BRINP3: variants seen among roughly 807,000 people sequenced by gnomAD.
BRINP3 encodes BMP/retinoic acid inducible neural specific 3.
A neutral mutation model predicts 71.0 loss-of-function variants in BRINP3; 19 were observed. That is an observed-to-expected ratio of 0.27 (90% confidence interval 0.19 to 0.39). BRINP3 has a LOEUF of 0.39. BRINP3 is among the 10% of genes least tolerant of loss of function. The pLI is 1.00. For missense variants in BRINP3, 959 were observed against 940.8 expected (o/e 1.02, Z -0.25); for synonymous variants, 380 against 337.7 (o/e 1.13, Z -1.37).
At chr1:190,395,595 A>G (rs1671515282) in intron 2 of BRINP3, among the ~76,000 whole-genome samples, 1 of 151,800 alleles carries the variant, frequency 6.6e-6, no homozygotes, top group African/African-American at 2.4e-5. Context: ...TGGGTTATAT[A>G]TATGACTAAA....
chr1:190,405,579 AAT>A (rs376641704), intron 2 of BRINP3, among the ~76,000 whole-genome samples: 1 of 150,328 alleles, frequency 6.7e-6, no homozygotes, highest in African/African-American at 2.4e-5. Context: ...GATCACAGAG[AAT>A]GGAGCTTGGA....
intron 7 of BRINP3, among the ~76,000 whole-genome samples, chr1:190,158,236 C>T (rs901844212): frequency 1.3e-5 from 2 of 152,082 alleles, no homozygotes; most frequent in African/African-American, 4.8e-5. Flanking sequence ...CACAAGTTCT[C>T]TCTTTGCCTG....
chr1:190,299,037 C>T (rs976717588), intron 2 of BRINP3, among the ~76,000 whole-genome samples: 3 of 152,048 alleles, frequency 2.0e-5, no homozygotes, highest in African/African-American at 4.8e-5. Flanking sequence ...TGTATTAATC[C>T]TTTATCATTA....
chr1:190,133,597 T>G (rs895106434), intron 7 of BRINP3, among the ~76,000 whole-genome samples: 3 of 151,966 alleles, frequency 2.0e-5, no homozygotes, highest in African/African-American at 7.2e-5. Flanking sequence ...CAATTAAACA[T>G]CAAACAATAT....
At chr1:190,223,912 T>C (rs1374137229) in intron 6 of BRINP3, among the ~76,000 whole-genome samples, 1 of 151,748 alleles carries the variant, frequency 6.6e-6, no homozygotes, top group Non-Finnish European at 1.5e-5. Context: ...CTGTATAAAA[T>C]ACCTCAAAGC....
At chr1:190,460,306 CA>C (rs997644993) in intron 1 of BRINP3, among the ~76,000 whole-genome samples, 4 of 150,434 alleles carry the variant, frequency 2.7e-5, no homozygotes, top group African/African-American at 9.7e-5. Context: ...TTAAAATCTA[CA>C]GCATTATTAT....
intron 2 of BRINP3, among the ~76,000 whole-genome samples, chr1:190,295,760 T>G (rs1383451391): frequency 3.3e-5 from 5 of 151,150 alleles, no homozygotes; most frequent in Non-Finnish European, 7.4e-5. Flanking sequence ...ATTCCCACAC[T>G]CACTTCCCTT....
chr1:190,397,515 G>A (rs1671656826), intron 2 of BRINP3, among the ~76,000 whole-genome samples: 1 of 151,834 alleles, frequency 6.6e-6, no homozygotes, highest in Admixed American at 6.6e-5. Flanking sequence ...AAAACAATCA[G>A]TTGTGTACCT....
intron 7 of BRINP3, among the ~76,000 whole-genome samples, chr1:190,155,015 T>C: frequency 6.6e-6 from 1 of 152,150 alleles, no homozygotes; most frequent in East Asian, 1.9e-4. Flanking sequence ...TATCTGCCAC[T>C]AGAAGACTGA....
chr1:190,228,504 A>G (rs1223344434), intron 5 of BRINP3, among the ~76,000 whole-genome samples: 1 of 151,668 alleles, frequency 6.6e-6, no homozygotes, highest in East Asian at 1.9e-4. Flanking sequence ...AGGAGAAGTA[A>G]TTTGGGGAGG....
At chr1:190,276,305 G>GA (rs1236501812) in intron 3 of BRINP3, among the ~76,000 whole-genome samples, 1 of 151,476 alleles carries the variant, frequency 6.6e-6, no homozygotes, top group Non-Finnish European at 1.5e-5. Flanking sequence ...CAGACCAAGT[G>GA]AAAATGAGAA....
chr1:190,109,189 T>C (rs1164394497), intron 7 of BRINP3, among the ~76,000 whole-genome samples: 1 of 152,114 alleles, frequency 6.6e-6, no homozygotes, highest in Non-Finnish European at 1.5e-5. Flanking sequence ...CTTTGGAGGA[T>C]AAAAAGAAGC....
intron 6 of BRINP3, among the ~76,000 whole-genome samples, chr1:190,161,385 T>A (rs1650933988): frequency 6.6e-6 from 1 of 151,526 alleles, no homozygotes; most frequent in Non-Finnish European, 1.5e-5. Flanking sequence ...AAAACCTTTT[T>A]AAATATAAAA....
intron 2 of BRINP3, among the ~76,000 whole-genome samples, chr1:190,410,998 A>C (rs1055187876): frequency 4.6e-5 from 7 of 152,166 alleles, no homozygotes; most frequent in African/African-American, 1.7e-4. Context: ...GGGTCAAAAA[A>C]AACCAAGACG....
intron 7 of BRINP3, among the ~76,000 whole-genome samples, chr1:190,156,942 C>T (rs73056719): frequency 1.3e-5 from 2 of 152,098 alleles, no homozygotes; most frequent in African/African-American, 4.8e-5. Context: ...TTTTGTATGT[C>T]AACTTATAAT....
At chr1:190,139,330 T>TA (rs989147912) in intron 7 of BRINP3, among the ~76,000 whole-genome samples, 1 of 150,924 alleles carries the variant, frequency 6.6e-6, no homozygotes, top group Non-Finnish European at 1.5e-5. Context: ...CAGGTACCTG[T>TA]AATCCCAGCT....
At chr1:190,302,237 A>T (rs541918498) in intron 2 of BRINP3, among the ~76,000 whole-genome samples, 2 of 147,914 alleles carry the variant, frequency 1.4e-5, no homozygotes, top group South Asian at 4.2e-4. Context: ...AAGTGTATAT[A>T]TATACATAAA....
chr1:190,393,600 G>A (rs1342853986), intron 2 of BRINP3, among the ~76,000 whole-genome samples: 1 of 151,386 alleles, frequency 6.6e-6, no homozygotes, highest in Admixed American at 6.6e-5. Flanking sequence ...GAAAACTTTA[G>A]ACATAAAATT....
chr1:190,166,844 C>T (rs1037162156), intron 6 of BRINP3, among the ~76,000 whole-genome samples: 1 of 152,066 alleles, frequency 6.6e-6, no homozygotes, highest in Non-Finnish European at 1.5e-5. Flanking sequence ...GTCCCTCAGC[C>T]TCCCAAGTAG....
Sources: gnomAD v4.1 joint callset for allele counts (sites outside exome capture counted in the v4.1 genomes callset) on GRCh38, gnomAD v4.1.1 for gene constraint, MANE v1.5 for transcripts, NCBI Gene and HGNC (gene_info 2026-07-23, HGNC 2026-07-21) for gene names.